SPATS2: variants seen among roughly 807,000 people sequenced by gnomAD.
The protein encoded by SPATS2 is spermatogenesis associated serine rich 2, also known as spermatogenesis-associated serine-rich protein 2.
A neutral mutation model predicts 63.7 loss-of-function variants in SPATS2; 38 were observed. That is an observed-to-expected ratio of 0.60 (90% CI 0.46 to 0.78). The LOEUF (loss-of-function observed/expected upper bound fraction) is 0.78, where lower values mean the gene tolerates loss of function less well. Among genes scored for constraint, SPATS2 ranks in the 30% least tolerant of loss-of-function variants. The probability of loss-of-function intolerance (pLI) is 0.00; values close to 1 mark genes in which losing one functional copy is unlikely to be tolerated. For missense variants in SPATS2, 588 were observed against 666.2 expected, an observed-to-expected ratio of 0.88 and a Z score of 1.29; for synonymous variants, 207 against 232.9, an observed-to-expected ratio of 0.89 and a Z score of 1.01.
At chr12:49,450,204 C>G (rs1049433996) in intron 2 of SPATS2, among the ~76,000 whole-genome samples, 1 of 151,462 alleles carries the variant, frequency 6.6e-6, no homozygotes, top group Non-Finnish European at 1.5e-5. Flanking sequence ...TTTCCAGCCA[C>G]TCTAACAATT....
rs987763053 is a variant in SPATS2, at chr12:49,371,939, G to A, written c.-244+649G>A. ...TGGTGACACAGATCCAAACTATATC[G>A]CCCTCCTTTCAGGTTTTTTTTTTTT... On this transcript the variant is annotated intron_variant, in intron 2 of 13. Coordinates refer to ENST00000552918, the MANE Select transcript of SPATS2 (RefSeq NM_023071.4). Among the ~76,000 whole-genome samples the A allele has an allele frequency of 6.4e-5, 8 of 124,522 alleles. No individual in the cohort carries two copies. The South Asian group carries it at 8.7e-4, about 14-fold the overall frequency. 81.7% of individuals were successfully genotyped at this position (124,522 alleles called of 152,430 possible).
chr12:49,372,696 C>T lies in SPATS2; in HGVS notation c.-244+1406C>T, dbSNP rs577736796. Among the ~76,000 whole-genome samples, 52 of 151,848 alleles carry T rather than the reference C, an allele frequency of 3.4e-4. No homozygotes were observed. In the South Asian group the frequency reaches 0.011, roughly 32 times the overall value. ...GTATGAGATGCTGCTTACTGCTTAC[C>T]TTCTGTATCTTCCTGCATTCATTAA... On this transcript the variant is annotated intron_variant, in intron 2 of 13. Transcript: ENST00000552918.
At chr12:49,452,733 TGTTTATATCATG>T (rs1373252974) in intron 2 of SPATS2, among the ~76,000 whole-genome samples, 1 of 152,158 alleles carries the variant, frequency 6.6e-6, no homozygotes. Flanking sequence ...ATTTGTGCCC[TGTTTATATCATG>T]GTTCTCTTTA....
intron 8 of SPATS2, among the ~76,000 whole-genome samples, chr12:49,498,222 G>C (rs542788451): frequency 3.4e-5 from 5 of 148,380 alleles, no homozygotes; most frequent in Non-Finnish European, 7.4e-5. Context: ...AAATCAAGTT[G>C]AGATGAGGAA....
chr12:49,397,857 A>C (rs1944538340), intron 2 of SPATS2, among the ~76,000 whole-genome samples: 2 of 149,234 alleles, frequency 1.3e-5, no homozygotes, highest in South Asian at 4.3e-4. Context: ...AAAAAAAAAA[A>C]AGGATCCATT....
intron 2 of SPATS2, among the ~76,000 whole-genome samples, chr12:49,414,869 G>T (rs1029333243): frequency 6.6e-6 from 1 of 151,520 alleles, no homozygotes; most frequent in Non-Finnish European, 1.5e-5. Context: ...AAAGTGCTGG[G>T]ATTTTAGGCA....
chr12:49,444,387 T>A (rs1334246775), intron 2 of SPATS2, among the ~76,000 whole-genome samples: 1 of 151,950 alleles, frequency 6.6e-6, no homozygotes, highest in Non-Finnish European at 1.5e-5. Context: ...CCAGCTAATT[T>A]AAATTTTTTT....
chr12:49,489,427 C>T, intron 4 of SPATS2, 38 bp from the exon 5 acceptor site: 1 of 1,561,032 alleles, frequency 6.4e-7, no homozygotes, highest in Non-Finnish European at 8.8e-7. Context: ...TAGTGACCTA[C>T]TAATGTTAGA....
intron 2 of SPATS2, among the ~76,000 whole-genome samples, chr12:49,405,398 A>G (rs780212284): frequency 6.6e-6 from 1 of 152,152 alleles, no homozygotes; most frequent in Admixed American, 6.5e-5. Flanking sequence ...CCATCTCTCA[A>G]AAAGAGACTT....
At chr12:49,386,602 A>G (rs903532508) in intron 2 of SPATS2, among the ~76,000 whole-genome samples, 14 of 152,202 alleles carry the variant, frequency 9.2e-5, no homozygotes, top group African/African-American at 2.7e-4. Context: ...AAGCAGGAGA[A>G]GGGCAAGGGA....
intron 2 of SPATS2, among the ~76,000 whole-genome samples, chr12:49,409,973 T>C (rs1044976746): frequency 2.0e-5 from 3 of 152,166 alleles, no homozygotes; most frequent in Non-Finnish European, 2.9e-5. Flanking sequence ...AATCTTCTTG[T>C]TGGAGTATAT....
intron 2 of SPATS2, among the ~76,000 whole-genome samples, chr12:49,446,923 T>C (rs1281956964): frequency 6.7e-6 from 1 of 149,860 alleles, no homozygotes; most frequent in African/African-American, 2.5e-5. Context: ...TTCTATTTTC[T>C]TTTCTTTTCT....
intron 9 of SPATS2, among the ~76,000 whole-genome samples, chr12:49,502,878 T>C (rs1336878140): frequency 2.6e-5 from 4 of 152,242 alleles, no homozygotes; most frequent in African/African-American, 9.6e-5. Context: ...CTGAAAATGT[T>C]CTCCTATTCC....
chr12:49,467,141 C>T (rs1359577191), intron 3 of SPATS2, among the ~76,000 whole-genome samples: 1 of 148,866 alleles, frequency 6.7e-6, no homozygotes, highest in African/African-American at 2.5e-5. Context: ...CTCTGCCTCC[C>T]AGGTTCAGGA....
At chr12:49,435,849 C>T (rs1457833228) in intron 2 of SPATS2, among the ~76,000 whole-genome samples, 1 of 150,364 alleles carries the variant, frequency 6.7e-6, no homozygotes, top group African/African-American at 2.5e-5. Flanking sequence ...TGACTCTTAA[C>T]GAGCATGCTG....
intron 2 of SPATS2, among the ~76,000 whole-genome samples, chr12:49,379,805 T>C (rs928955052): frequency 6.6e-6 from 1 of 151,796 alleles, no homozygotes; most frequent in Non-Finnish European, 1.5e-5. Flanking sequence ...GTATTTTTAG[T>C]AGAGATGGGG....
intron 2 of SPATS2, among the ~76,000 whole-genome samples, chr12:49,409,970 T>A (rs1213663303): frequency 6.6e-6 from 1 of 152,174 alleles, no homozygotes; most frequent in Non-Finnish European, 1.5e-5. Context: ...TTAAATCTTC[T>A]TGTTGGAGTA....
At chr12:49,448,304 AT>A (rs1160306658) in intron 2 of SPATS2, among the ~76,000 whole-genome samples, 2 of 150,666 alleles carry the variant, frequency 1.3e-5, no homozygotes, top group Non-Finnish European at 1.5e-5. Flanking sequence ...TGCCCGGCTA[AT>A]TTTTTTTGTA....
At position 49,522,821 on chromosome 12, in the gene SPATS2, C is replaced by A. The variant is rs374267477; in HGVS notation, c.1079C>A (p.Thr360Asn). The change falls in exon 12 of 14, where the codon ACC becomes AAC. Residue 360 changes from threonine to asparagine, a missense_variant. Transcript: ENST00000552918. The stretch of plus-strand genomic sequence containing the variant: ...GCCCGGTTCACCTGTGATGTAGAGA[C>A]CCTAAAGAAGAGCATTGATTCATTT... Reference protein sequence around the residue: ...RVARFTCDVETLKKSIDSFGQ... With the variant: ...RVARFTCDVENLKKSIDSFGQ... 18 of 1,613,486 alleles carry A rather than the reference C, an allele frequency of 1.1e-5. No homozygotes were observed. The African/African-American group carries it at 2.3e-4, about 20-fold the overall frequency.
Sources: allele counts gnomAD v4.1 joint callset (sites outside exome capture counted in the v4.1 genomes callset), GRCh38; gene constraint gnomAD v4.1.1; transcripts MANE v1.5; gene names NCBI Gene and HGNC (gene_info 2026-07-23, HGNC 2026-07-21).